Variants in SLC12A7 observed in about 807,000 individuals in gnomAD.
SLC12A7 encodes the protein solute carrier family 12 member 7.
In SLC12A7, 100 loss-of-function variants were observed where a neutral mutation model predicts 120.6. That is an observed-to-expected ratio of 0.83 (90% CI 0.71 to 0.98). SLC12A7 has a LOEUF of 0.98. Ranked by LOEUF, SLC12A7 falls within the 50% of genes least tolerant of loss-of-function variation. SLC12A7 has a pLI of 0.00. For missense variants in SLC12A7, 1,373 were observed against 1,548.1 expected (o/e 0.89, Z 1.90); for synonymous variants, 760 against 678.0 (o/e 1.12, Z -1.88).
At chr5:1,065,967 T>C (rs1187642690) in intron 17 of SLC12A7, among the ~76,000 whole-genome samples, 1 of 151,612 alleles carries the variant, frequency 6.6e-6, no homozygotes, top group African/African-American at 2.4e-5. Flanking sequence ...CCTCCCGGGG[T>C]TGGAGGGGGT....
In SLC12A7 at chr5:1,065,332, G is replaced by A. The variant is rs148955144; in HGVS notation, c.2388C>T (p.Pro796=). ...GGTTGTCCTCCTGCTTCCAGGATGC[G>A]GGCCAGGCCATGAGCACCGTGTTGT... The part of the protein sequence containing the change: ...LKHNTVLMAW[P]ASWKQEDNPF... The change falls in exon 18 of 24, where the codon CCC becomes CCT. Residue 796 remains proline, a synonymous_variant. Coordinates refer to ENST00000264930, the MANE Select transcript of SLC12A7 (RefSeq NM_006598.3). 7.7e-5 allele frequency: 124 copies of A among 1,600,676 alleles called. No individual in the cohort carries two copies. Among genetic ancestry groups the A allele is most frequent in the Admixed American group, 4.6e-4 (27 of 58,414 alleles).
intron 3 of SLC12A7, among the ~76,000 whole-genome samples, chr5:1,089,794 G>T (rs572088055): frequency 6.6e-6 from 1 of 152,328 alleles, no homozygotes; most frequent in East Asian, 1.9e-4. Flanking sequence ...ATGGGCAAGG[G>T]TCAGCAGCAC....
At chr5:1,153,209 G>C in the SLC12A7 span, among the ~76,000 whole-genome samples, 1 of 150,896 alleles carries the variant, frequency 6.6e-6, no homozygotes, top group African/African-American at 2.4e-5. Flanking sequence ...GGAGGGACGG[G>C]CTTGCCCAGT....
rs1002029437 is a variant in SLC12A7, at chr5:1,111,575, G to A, written c.124+293C>T. Among the ~76,000 whole-genome samples, 42 of 152,246 alleles carry A rather than the reference G, an allele frequency of 2.8e-4. 1 individual carries two copies. In the Middle Eastern group the frequency reaches 0.01, roughly 37 times the overall value. Reference sequence around the variant, plus strand: ...AGGGGCCCGGGCTCCCTCCGGAGGCGCGCTCCAGCCCCTCCCCGTTTCCAT... The same window carrying A: ...AGGGGCCCGGGCTCCCTCCGGAGGCACGCTCCAGCCCCTCCCCGTTTCCAT... On this transcript the variant is annotated intron_variant, in intron 1 of 23. Transcript: ENST00000264930.
At chr5:1,131,594 C>T in the SLC12A7 span, among the ~76,000 whole-genome samples, 1 of 152,222 alleles carries the variant, frequency 6.6e-6, no homozygotes, top group Admixed American at 6.5e-5. Context: ...GGGGGCCTCA[C>T]CTGACCTCTC....
At chr5:1,060,213 C>G (rs1736039570) in intron 21 of SLC12A7, 131 bp downstream of exon 21, 5 of 696,404 alleles carry the variant, frequency 7.2e-6, no homozygotes, top group Middle Eastern at 4.1e-4. Context: ...GGGGCTGAGC[C>G]TGCGACGCAG....
intron 22 of SLC12A7, among the ~76,000 whole-genome samples, chr5:1,054,565 T>C (rs1320469727): frequency 2.0e-5 from 3 of 152,228 alleles, no homozygotes; most frequent in East Asian, 1.9e-4. Context: ...GTGTGTGGAC[T>C]TGAAAGTCGG....
Position 1,085,319 on chromosome 5 carries a change from GC to G in SLC12A7, c.829del (p.Ala277ArgfsTer155), listed in dbSNP as rs750310346. 7 of 1,612,494 alleles carry G rather than the reference GC, an allele frequency of 4.3e-6. No homozygotes were observed. Among genetic ancestry groups the G allele is most frequent in the Non-Finnish European group, 5.1e-6 (6 of 1,179,816 alleles). On this transcript the variant is annotated frameshift_variant, in exon 7 of 24. Transcript: ENST00000264930. LOFTEE classifies it high-confidence loss of function. ...CACGACGCAGGCCAGGAAGACCAGC[GC>G]CAGCTTGTTGACATACTTGACGCCC... ...FVGVKYVNKL[A>X]LVFLACVVLS...
chr5:1,080,020 G>A (rs946153700), intron 9 of SLC12A7, among the ~76,000 whole-genome samples: 5 of 152,360 alleles, frequency 3.3e-5, no homozygotes, highest in South Asian at 4.1e-4. Flanking sequence ...CGGGTCGGTG[G>A]GGGCCACTTC....
chr5:1,077,418 C>A lies in SLC12A7; in HGVS notation c.1629+415G>T, dbSNP rs557272625. Among the ~76,000 whole-genome samples, 279 of 152,328 alleles carry A rather than the reference C, an allele frequency of 1.8e-3. 1 individual carries two copies. The highest frequency in any genetic ancestry group is 6.5e-3 in the African/African-American group (270 of 41,582). ...CACGGACAGGACCCATGCGGGCGTCCGTGCAATCCTCAGAGCAGCCACACA... is the reference window on the plus strand; with the variant it reads ...CACGGACAGGACCCATGCGGGCGTCAGTGCAATCCTCAGAGCAGCCACACA... On this transcript the variant is annotated intron_variant, in intron 12 of 23. Transcript: ENST00000264930.
intron 1 of SLC12A7, among the ~76,000 whole-genome samples, chr5:1,102,504 G>A (rs1207063551): frequency 6.6e-6 from 1 of 152,232 alleles, no homozygotes; most frequent in East Asian, 1.9e-4. Flanking sequence ...AGCCTCAGCC[G>A]GAAGCAGCTG....
chr5:1,067,865 CGGGG>C (rs1207465650), intron 17 of SLC12A7, among the ~76,000 whole-genome samples: 59 of 152,152 alleles, frequency 3.9e-4, no homozygotes, highest in African/African-American at 1.4e-3. Context: ...AGCACCGTGT[CGGGG>C]ACCCTGTTAT....
At chr5:1,056,031 A>G (rs1167474491) in intron 22 of SLC12A7, among the ~76,000 whole-genome samples, 3 of 152,118 alleles carry the variant, frequency 2.0e-5, no homozygotes, top group Non-Finnish European at 4.4e-5. Context: ...CAGAGACGGC[A>G]TCGAGGACTC....
chr5:1,113,060 C>A (rs182990080), upstream of SLC12A7, among the ~76,000 whole-genome samples: 2 of 152,134 alleles, frequency 1.3e-5, no homozygotes, highest in Non-Finnish European at 2.9e-5. Flanking sequence ...AGGATACCAC[C>A]GGCCAGCACC....
chr5:1,100,700 G>A (rs531069150), intron 1 of SLC12A7, among the ~76,000 whole-genome samples: 111 of 152,344 alleles, frequency 7.3e-4, no homozygotes, highest in African/African-American at 2.5e-3. Context: ...GAAACACTCA[G>A]CTGCAGGCTA....
At chr5:1,078,517 CCCTAG>C in intron 11 of SLC12A7, 179 bp downstream of exon 11, 1 of 643,026 alleles carries the variant, frequency 1.6e-6, no homozygotes, top group Non-Finnish European at 2.8e-6. Flanking sequence ...GTTCCCCAGG[CCCTAG>C]GCTCCAGCGG....
intron 17 of SLC12A7, among the ~76,000 whole-genome samples, chr5:1,069,587 G>A (rs1016094729): frequency 1.3e-5 from 2 of 152,228 alleles, no homozygotes; most frequent in South Asian, 4.1e-4. Flanking sequence ...ACACACATGA[G>A]GGGGAAGGAG....
the SLC12A7 span, among the ~76,000 whole-genome samples, chr5:1,121,783 G>A: frequency 2.0e-5 from 3 of 152,182 alleles, no homozygotes; most frequent in Non-Finnish European, 2.9e-5. Flanking sequence ...GGTCAGCCCC[G>A]GAGCCGCGCA....
chr5:1,112,094 C>G (rs940134254), upstream of SLC12A7: 1 of 1,148,514 alleles, frequency 8.7e-7, no homozygotes, highest in Non-Finnish European at 1.1e-6. Context: ...GACCGAGCCG[C>G]CCCGCCCCGC....
Sources: gnomAD v4.1 joint callset for allele counts (sites outside exome capture counted in the v4.1 genomes callset) on GRCh38, gnomAD v4.1.1 for gene constraint, MANE v1.5 for transcripts, NCBI Gene and HGNC (gene_info 2026-07-23, HGNC 2026-07-21) for gene names.